The following EIF3E variants were observed in gnomAD, a reference collection of about 807,000 sequenced individuals.
The protein encoded by EIF3E is eukaryotic translation initiation factor 3 subunit E, also known as eIF-3 p48.
Under a neutral mutation model 59.3 loss-of-function variants are expected in EIF3E, and 25 were observed. The ratio of observed to expected loss-of-function variants is 0.42; its 90% CI spans 0.31 to 0.59. EIF3E has a LOEUF of 0.59. Among genes scored for constraint, EIF3E ranks in the 20% least tolerant of loss-of-function variants. EIF3E has a pLI of 0.15. For synonymous variants in EIF3E, 176 were observed against 170.2 expected (o/e 1.03, Z -0.26); for missense variants, 317 against 534.3 (o/e 0.59, Z 4.01).
At chr8:108,228,591 T>TA (rs1815563890) in intron 6 of EIF3E, among the ~76,000 whole-genome samples, 200 bp from the exon 7 acceptor site, 1 of 152,144 alleles carries the variant, frequency 6.6e-6, no homozygotes, top group Admixed American at 6.5e-5. Context: ...ACCCTGTTCT[T>TA]AGAGACAGAT....
intron 10 of EIF3E, among the ~76,000 whole-genome samples, chr8:108,212,719 T>C (rs1032345676): frequency 2.0e-5 from 3 of 152,152 alleles, no homozygotes; most frequent in Non-Finnish European, 4.4e-5. Flanking sequence ...CGAGAATCTC[T>C]TGAACGCGAG....
At chr8:108,221,623 T>C (rs1815414828) in intron 7 of EIF3E, 2 of 152,186 alleles carry the variant, frequency 1.3e-5, no homozygotes. Flanking sequence ...AAATAACATA[T>C]AAATAAAATG....
chr8:108,230,761 TC>T (rs1444159077), intron 5 of EIF3E, among the ~76,000 whole-genome samples: 1 of 152,150 alleles, frequency 6.6e-6, no homozygotes, highest in African/African-American at 2.4e-5. Flanking sequence ...CGAAAAGTAA[TC>T]TAAATGTTCA....
At chr8:108,238,565 T>C (rs527972931) in intron 3 of EIF3E, among the ~76,000 whole-genome samples, 44 of 152,332 alleles carry the variant, frequency 2.9e-4, no homozygotes, top group African/African-American at 9.9e-4. Context: ...TTTCCCTGAA[T>C]ATTTTCAATC....
At chr8:108,206,546 A>T (rs1009280452) in intron 10 of EIF3E, among the ~76,000 whole-genome samples, 13 of 151,924 alleles carry the variant, frequency 8.6e-5, no homozygotes, top group African/African-American at 3.1e-4. Context: ...TGAGGCCAGA[A>T]GTCTGAGACC....
At chr8:108,242,447 A>G in intron 1 of EIF3E, 43 of 1,287,686 alleles carry the variant, frequency 3.3e-5, no homozygotes, top group Non-Finnish European at 4.4e-5. Context: ...GCAAATAGAT[A>G]CATATACACA....
intron 10 of EIF3E, among the ~76,000 whole-genome samples, chr8:108,208,069 C>A (rs1815135764): frequency 6.6e-6 from 1 of 152,078 alleles, no homozygotes; most frequent in Non-Finnish European, 1.5e-5. Context: ...GATTTTCTAT[C>A]AGGTTTTGAG....
intron 10 of EIF3E, among the ~76,000 whole-genome samples, chr8:108,210,025 CAAAAT>C (rs1815177286): frequency 6.8e-6 from 1 of 147,386 alleles, no homozygotes; most frequent in East Asian, 2.0e-4. Context: ...ATAATCATCT[CAAAAT>C]AAACAGTTTA....
intron 10 of EIF3E, among the ~76,000 whole-genome samples, chr8:108,207,631 T>G (rs58171328): frequency 0.042 from 6,426 of 152,250 alleles, 436 homozygotes; most frequent in African/African-American, 0.15. Flanking sequence ...ACTAAAAATC[T>G]CAACCTTGTC....
At chr8:108,224,352 TAAAC>T (rs1305311461) in intron 7 of EIF3E, among the ~76,000 whole-genome samples, 2 of 151,628 alleles carry the variant, frequency 1.3e-5, no homozygotes, top group African/African-American at 2.4e-5. Flanking sequence ...TCATAAATCT[TAAAC>T]AGAGACAACT....
rs1308025769 is a variant in EIF3E, at chr8:108,201,793, T to C, written c.*92A>G. Reference sequence around the variant, plus strand: ...TCTTCAAAATTTATACGTAATATGTTGTTTCCAAAATGTAAGTCACCCTTT... The same window carrying C: ...TCTTCAAAATTTATACGTAATATGTCGTTTCCAAAATGTAAGTCACCCTTT... On this transcript the variant is annotated 3_prime_UTR_variant, in exon 13 of 13. Transcript: ENST00000220849. 1 of 1,072,282 alleles carries C rather than the reference T, an allele frequency of 9.3e-7. No homozygotes were observed. Among genetic ancestry groups the C allele is most frequent in the Non-Finnish European group, 1.3e-6 (1 of 799,208 alleles). 66.4% of individuals were successfully genotyped at this position (1,072,282 alleles called of 1,614,324 possible). A position where few individuals can be genotyped will look rare whatever the true frequency, so the allele number is the denominator to read the frequency against.
chr8:108,239,088 G>C (rs1031536230), intron 3 of EIF3E, among the ~76,000 whole-genome samples: 4 of 152,180 alleles, frequency 2.6e-5, no homozygotes, highest in Admixed American at 6.5e-5. Context: ...GGGTATGAAA[G>C]AATGTAGCCA....
At chr8:108,223,418 T>C (rs923424377) in intron 7 of EIF3E, among the ~76,000 whole-genome samples, 16 of 152,168 alleles carry the variant, frequency 1.1e-4, no homozygotes, top group African/African-American at 3.9e-4. Flanking sequence ...CAAAGAGTTT[T>C]TTTTACCAGG....
chr8:108,220,008 A>T (rs541816740), intron 7 of EIF3E, among the ~76,000 whole-genome samples: 3 of 152,024 alleles, frequency 2.0e-5, no homozygotes, highest in Admixed American at 6.6e-5. Flanking sequence ...CCAGGTGTGG[A>T]GGCAGGCACC....
chr8:108,209,350 G>A (rs1224590150), intron 10 of EIF3E, among the ~76,000 whole-genome samples: 2 of 152,048 alleles, frequency 1.3e-5, no homozygotes, highest in African/African-American at 4.8e-5. Context: ...CATTTGGAGA[G>A]TTATCAGGAT....
At chr8:108,206,293 C>A (rs768820581) in intron 10 of EIF3E, among the ~76,000 whole-genome samples, 1 of 151,544 alleles carries the variant, frequency 6.6e-6, no homozygotes, top group Admixed American at 6.6e-5. Flanking sequence ...TCACTGCATT[C>A]CAGCATGGGC....
chr8:108,215,265 C>CA (rs538445855), intron 9 of EIF3E, among the ~76,000 whole-genome samples: 271 of 149,510 alleles, frequency 1.8e-3, no homozygotes, highest in Non-Finnish European at 2.5e-3. Context: ...TATATGACTA[C>CA]AAAAAAAAAC....
intron 11 of EIF3E, 77 bp downstream of exon 11, chr8:108,203,324 T>C: frequency 1.4e-6 from 2 of 1,382,500 alleles, no homozygotes; most frequent in Non-Finnish European, 2.0e-6. Context: ...AAGGAGGTAA[T>C]AAAATGTCCT....
At chr8:108,210,060 G>A (rs941947049) in intron 10 of EIF3E, among the ~76,000 whole-genome samples, 1 of 147,462 alleles carries the variant, frequency 6.8e-6, no homozygotes, top group African/African-American at 2.5e-5. Context: ...TTTTTTTTAA[G>A]CCAGATCTTG....
Sources: gnomAD v4.1 joint callset for allele counts (sites outside exome capture counted in the v4.1 genomes callset) on GRCh38, gnomAD v4.1.1 for gene constraint, MANE v1.5 for transcripts, NCBI Gene and HGNC (gene_info 2026-07-23, HGNC 2026-07-21) for gene names.